The following BTNL9 variants were observed in gnomAD, a reference collection of about 807,000 sequenced individuals.
BTNL9 encodes the protein butyrophilin like 9.
A neutral mutation model predicts 45.8 loss-of-function variants in BTNL9; 45 were observed. That is an observed-to-expected ratio of 0.98 (90% CI 0.77 to 1.26). The LOEUF is 1.26. Among genes scored for constraint, BTNL9 ranks in the 50% most tolerant of loss-of-function variants. BTNL9 has a pLI of 0.00. For missense variants in BTNL9, 784 were observed against 729.7 expected (o/e 1.07, Z -0.86); for synonymous variants, 346 against 330.8 (o/e 1.05, Z -0.50).
chr5:181,044,704 G>C (rs1561973975), intron 1 of BTNL9, among the ~76,000 whole-genome samples: 1 of 152,232 alleles, frequency 6.6e-6, no homozygotes, highest in African/African-American at 2.4e-5. Flanking sequence ...TGAGTCATTA[G>C]TGGGTCCCAA....
At chr5:181,048,861 AATTAT>A (rs1761371937) in intron 3 of BTNL9, among the ~76,000 whole-genome samples, 1 of 130,828 alleles carries the variant, frequency 7.6e-6, no homozygotes, top group Admixed American at 7.9e-5. Context: ...AATATTATAT[AATTAT>A]ATTAGTTATA....
intron 10 of BTNL9, among the ~76,000 whole-genome samples, chr5:181,058,693 AG>A (rs1243150061): frequency 6.6e-6 from 1 of 152,086 alleles, no homozygotes; most frequent in Admixed American, 6.6e-5. Context: ...TCTCTGACGA[AG>A]GGGTCCCCTA....
In BTNL9 at chr5:181,053,082, C is replaced by CGGTGGCGCCCGGAGAA; in HGVS notation, c.737-114_737-99dup. ...TCCACGCCCGTTTCCCAGGCGGCTG[C>CGGTGGCGCCCGGAGAA]GGTGGCGCCCGGAGAAGGTCCCGCG... On this transcript the variant is annotated intron_variant, in intron 4 of 10. Coordinates refer to ENST00000327705, the MANE Select transcript of BTNL9 (RefSeq NM_152547.5). The surrounding 1 kb of genome is among the most constrained non-coding windows in gnomAD (Gnocchi z 6.5). The CGGTGGCGCCCGGAGAA allele has an allele frequency of 1.2e-6, 1 of 810,492 alleles. No individual in the cohort carries two copies. Among genetic ancestry groups the CGGTGGCGCCCGGAGAA allele is most frequent in the Non-Finnish European group, 1.8e-6 (1 of 554,116 alleles). The allele number at this position is 810,492 out of a possible 1,614,324, so 50.2% of individuals were successfully genotyped here. A position where few individuals can be genotyped will look rare whatever the true frequency, so the allele number is the denominator to read the frequency against.
rs201834629 is a variant in BTNL9, at chr5:181,054,260, G to A, written c.907+1G>A. ...CTAGAGAAACTCACTGCAGAGCTGG[G>A]TAAGTTCTGGGTGCGGGGCCACAGT... is the stretch of plus-strand genomic sequence containing the variant. On this transcript the variant is annotated splice_donor_variant, in intron 7 of 10. Coordinates refer to ENST00000327705, the MANE Select transcript of BTNL9 (RefSeq NM_152547.5). LOFTEE classifies it high-confidence loss of function. The A allele has an allele frequency of 2.5e-6, 4 of 1,611,414 alleles. No individual in the cohort carries two copies. The highest frequency in any genetic ancestry group is 2.2e-5 in the South Asian group (2 of 90,946).
At chr5:181,056,390 A>C (rs1276373157) in intron 9 of BTNL9, 13 of 623,706 alleles carry the variant, frequency 2.1e-5, no homozygotes, top group Non-Finnish European at 3.5e-5. Context: ...CAAAATGTGA[A>C]TATCGATGTA....
rs371186767 is a variant in BTNL9 at position 181,058,368 on chromosome 5, A to G, written c.972A>G (p.Gln324=). 85 of 1,613,994 alleles carry G rather than the reference A, an allele frequency of 5.3e-5. No homozygotes were observed. Among genetic ancestry groups the G allele is most frequent in the Middle Eastern group, 3.3e-4 (2 of 6,084 alleles). Residue 324 remains glutamine (Q), a synonymous_variant, in exon 10 of 11, where the codon CAA becomes CAG. Transcript: ENST00000327705. ...AEGQAEWRAA[Q]KYAVDVTLDP... ...TGGTTTCAGAGTGGAGAGCAGCCCA[A>G]AAATATGCAGGTAACTGAAGCCAGG...
In BTNL9 at chr5:181,045,579, G is replaced by C; in HGVS notation, c.90G>C (p.Gln30His). 1 of 1,611,932 alleles carries C rather than the reference G, an allele frequency of 6.2e-7. No individual in the cohort carries two copies. The highest frequency in any genetic ancestry group is 8.5e-7 in the Non-Finnish European group (1 of 1,178,998). The change falls in exon 2 of 11, where the codon CAG becomes CAC. Residue 30 changes from glutamine to histidine, a missense_variant. By Grantham distance (24) the Gln-to-His change is conservative (BLOSUM62 0). Coordinates refer to ENST00000327705, the MANE Select transcript of BTNL9 (RefSeq NM_152547.5). The stretch of plus-strand genomic sequence containing the variant: ...TCCTCATGCACCTCCTCCTCCTTCA[G>C]CCTGGGGAGCCGAGCTCAGGTATTG... ...LVFLMHLLLL[Q>H]PGEPSSEVKV...
chr5:181,056,926 A>C (rs756118211), intron 9 of BTNL9: 29 of 278,112 alleles, frequency 1.0e-4, no homozygotes, highest in Non-Finnish European at 1.8e-4. Context: ...GACTTCCTCT[A>C]CTGAAAATTG....
At chr5:181,052,984 C>T (rs1187063408) in intron 4 of BTNL9, 1 of 132,852 alleles carries the variant, frequency 7.5e-6, no homozygotes, top group Admixed American at 7.2e-5. Flanking sequence ...GGTTCCCTCC[C>T]GCACGCCCCG....
Position 181,059,339 on chromosome 5 carries a change from G to C in BTNL9, c.1085G>C (p.Gly362Ala), listed in dbSNP as rs1300297010. The change falls in exon 11 of 11, where the codon GGC becomes GCC. Residue 362 changes from glycine (G) to alanine (A), a missense_variant. Transcript: ENST00000327705. ...SRGAPPGPAP[G>A]HPQRFSEQTC... ...GGGGCGCCGCCAGGCCCGGCGCCTG[G>C]CCACCCGCAGCGGTTCTCGGAGCAG... 5 of 1,545,318 alleles carry C rather than the reference G, an allele frequency of 3.2e-6. No individual in the cohort carries two copies. The highest frequency in any genetic ancestry group is 4.4e-6 in the Non-Finnish European group (5 of 1,148,788).
Position 181,050,055 on chromosome 5 carries a change from C to A in BTNL9, c.455-33C>A. On this transcript the variant is annotated intron_variant, in intron 3 of 10. Transcript: ENST00000327705. The surrounding 1 kb of genome is among the most constrained non-coding windows in gnomAD (Gnocchi z 4.9). ...GTTATGCGTGATTTCTCAGAAGAAGCCTGACCTTTCCCACTCCTCCTGCCT... is the reference window on the plus strand; with the variant it reads ...GTTATGCGTGATTTCTCAGAAGAAGACTGACCTTTCCCACTCCTCCTGCCT... 1.3e-6 allele frequency: 2 copies of A among 1,598,718 alleles called. No homozygotes were observed. The highest frequency in any genetic ancestry group is 1.7e-6 in the Non-Finnish European group (2 of 1,172,434).
Position 181,053,633 on chromosome 5 carries a change from T to A in BTNL9, c.886+132T>A, listed in dbSNP as rs1379971591. On this transcript the variant is annotated intron_variant, in intron 6 of 10. Coordinates refer to ENST00000327705, the MANE Select transcript of BTNL9 (RefSeq NM_152547.5). This position sits in a 1 kb window ranked among gnomAD's most constrained non-coding sequence, Gnocchi z 6.5. ...CAGGGCGGCCACCGGGGAACGGGGA[T>A]CGGTGACCCCGGTGGGGAAGGGGGA... 9 of 1,543,602 alleles carry A rather than the reference T, an allele frequency of 5.8e-6. No homozygotes were observed. The highest frequency in any genetic ancestry group is 7.9e-6 in the Non-Finnish European group (9 of 1,142,668).
Position 181,055,710 on chromosome 5 carries a change from A to G in BTNL9, c.928+257A>G. ...CGTGAACCCGGGAAGCGGAGCTTGC[A>G]GTGAGCCGAGATGGCGCCACTGCAC... is the stretch of plus-strand genomic sequence containing the variant. On this transcript the variant is annotated intron_variant, in intron 8 of 10. Coordinates refer to ENST00000327705, the MANE Select transcript of BTNL9 (RefSeq NM_152547.5). This position sits in a 1 kb window ranked among gnomAD's most constrained non-coding sequence, Gnocchi z 4.4. 2.9e-6 allele frequency: 2 copies of G among 689,638 alleles called. No homozygotes were observed. The highest frequency in any genetic ancestry group is 2.1e-5 in the Admixed American group (1 of 48,574). 42.7% of individuals were successfully genotyped at this position (689,638 alleles called of 1,614,324 possible). A position where few individuals can be genotyped will look rare whatever the true frequency, so the allele number is the denominator to read the frequency against.
At chr5:181,052,977 T>TCCCTCCCGCACGCCCCGCGGCG (rs1761643871) in intron 4 of BTNL9, 1 of 126,918 alleles carries the variant, frequency 7.9e-6, no homozygotes, top group Non-Finnish European at 1.6e-5. Flanking sequence ...GGGGCGCGGT[T>TCCCTCCCGCACGCCCCGCGGCG]CCCTCCCGCA....
intron 2 of BTNL9, chr5:181,047,416 T>A (rs1001705879): frequency 1.2e-6 from 1 of 842,628 alleles, no homozygotes; most frequent in African/African-American, 1.8e-5. Flanking sequence ...ACATGTGAAT[T>A]ATTTTTTAAA....
At chr5:181,051,715 T>C (rs1315880622) in intron 4 of BTNL9, among the ~76,000 whole-genome samples, 1 of 151,826 alleles carries the variant, frequency 6.6e-6, no homozygotes, top group East Asian at 1.9e-4. Flanking sequence ...AGAACTGATA[T>C]ATTTTCTAAG....
chr5:181,054,157 C>T (rs1761744988), intron 6 of BTNL9, 82 bp from the exon 7 acceptor site: 1 of 1,595,710 alleles, frequency 6.3e-7, no homozygotes, highest in Non-Finnish European at 8.5e-7. Context: ...CCTCAGTGTT[C>T]ACCCATCTGT....
At chr5:181,048,728 T>G (rs1761332129) in intron 3 of BTNL9, among the ~76,000 whole-genome samples, 1 of 121,786 alleles carries the variant, frequency 8.2e-6, no homozygotes, top group African/African-American at 3.3e-5. Flanking sequence ...TATATATATC[T>G]ATATATATAT....
intron 3 of BTNL9, among the ~76,000 whole-genome samples, chr5:181,048,836 TTA>T (rs1443349497): frequency 1.4e-5 from 2 of 137,984 alleles, no homozygotes; most frequent in Admixed American, 7.6e-5. Flanking sequence ...TATTATATAA[TTA>T]TATTAGTTAT....
Sources: allele counts gnomAD v4.1 joint callset (sites outside exome capture counted in the v4.1 genomes callset), GRCh38; gene constraint gnomAD v4.1.1; non-coding constraint Gnocchi (gnomAD v3.1); transcripts MANE v1.5; gene names NCBI Gene and HGNC (gene_info 2026-07-23, HGNC 2026-07-21).